Variants in GALNT9 observed in about 807,000 individuals in gnomAD.
GALNT9 encodes GalNAc transferase 9.
GALNT9 carries 47 observed loss-of-function variants against 63.1 expected under a neutral mutation model. The observed-to-expected ratio is 0.75, with a 90% CI of 0.59 to 0.95. The LOEUF (loss-of-function observed/expected upper bound fraction) is 0.95, where lower values mean the gene tolerates loss of function less well. Among genes scored for constraint, GALNT9 ranks in the 40% least tolerant of loss-of-function variants. The pLI is 0.00. For missense variants in GALNT9, 829 were observed against 874.8 expected (o/e 0.95, Z 0.66); for synonymous variants, 396 against 365.7 (o/e 1.08, Z -0.94).
chr12:132,308,526 G>C (rs1555244850), intron 1 of GALNT9, among the ~76,000 whole-genome samples: 2 of 152,204 alleles, frequency 1.3e-5, no homozygotes, highest in Non-Finnish European at 2.9e-5. Context: ...CTAAAGGCAG[G>C]GGGAGGCCTT....
intron 6 of GALNT9, among the ~76,000 whole-genome samples, chr12:132,211,934 G>A (rs1205058770): frequency 6.6e-6 from 1 of 152,238 alleles, no homozygotes; most frequent in Non-Finnish European, 1.5e-5. Flanking sequence ...CTCAGGAGGT[G>A]AAGGTCCCAT....
chr12:132,228,894 A>T (rs1009617116), intron 6 of GALNT9, among the ~76,000 whole-genome samples: 128 of 152,344 alleles, frequency 8.4e-4, no homozygotes, highest in African/African-American at 2.9e-3. Context: ...GAAGATGAGC[A>T]GCTGGCATTT....
intron 1 of GALNT9, among the ~76,000 whole-genome samples, chr12:132,293,836 G>A (rs549032894): frequency 6.6e-6 from 1 of 152,138 alleles, no homozygotes; most frequent in East Asian, 1.9e-4. Flanking sequence ...GAAGCCGGGG[G>A]ATCCCGTGTA....
At chr12:132,325,634 C>CACCTCGCTGG (rs1869005875) in intron 1 of GALNT9, among the ~76,000 whole-genome samples, 1 of 152,228 alleles carries the variant, frequency 6.6e-6, no homozygotes, top group Admixed American at 6.5e-5. Context: ...AAACCAGCGC[C>CACCTCGCTGG]ACCTCGCTGG....
chr12:132,263,574 C>T (rs1453075648), intron 2 of GALNT9, among the ~76,000 whole-genome samples: 14 of 152,166 alleles, frequency 9.2e-5, no homozygotes, highest in Admixed American at 8.5e-4. Flanking sequence ...CCCCCCTCAC[C>T]GTCCTCAAGC....
rs561752173 is a variant in GALNT9, at chr12:132,308,119, C to T, written c.238+20847G>A. Among the ~76,000 whole-genome samples the T allele has an allele frequency of 4.6e-5, 7 of 152,236 alleles. No homozygotes were observed. In the South Asian group the frequency reaches 6.2e-4, roughly 14 times the overall value. ...ACACAGACAGAAGAGGAAACAGCTG[C>T]GTGTGACGGAGGCAGAGGGTGCAGC... On this transcript the variant is annotated intron_variant, in intron 1 of 10. Coordinates refer to ENST00000328957, the MANE Select transcript of GALNT9 (RefSeq NM_001122636.2).
rs140861902 is a variant in GALNT9, at chr12:132,245,270, C to T, written c.1077+2640G>A. Among the ~76,000 whole-genome samples the T allele has an allele frequency of 2.7e-4, 41 of 152,152 alleles. No homozygotes were observed. In the East Asian group the frequency reaches 7.1e-3, roughly 27 times the overall value. On this transcript the variant is annotated intron_variant, in intron 6 of 10. Coordinates refer to ENST00000328957, the MANE Select transcript of GALNT9 (RefSeq NM_001122636.2). The surrounding 1 kb of genome is among the most constrained non-coding windows in gnomAD (Gnocchi z 6.3). ...TAGCCTGATCAACATGGTGAAACCT[C>T]GTCTCTACTAAAAGTACAAAAATTA...
chr12:132,212,034 G>C lies in GALNT9; in HGVS notation c.1078-8344C>G, dbSNP rs556062750. Among the ~76,000 whole-genome samples the C allele has an allele frequency of 2.6e-5, 4 of 152,364 alleles. No individual in the cohort carries two copies. The South Asian group carries it at 8.3e-4, about 32-fold the overall frequency. On this transcript the variant is annotated intron_variant, in intron 6 of 10. Transcript: ENST00000328957. ...GGACACTCCGCATGGCAGCGGACGT[G>C]CACGCAGGCAGGCCCCACCCAGCCA... is the stretch of plus-strand genomic sequence containing the variant.
In GALNT9 at chr12:132,247,897, G is replaced by A; in HGVS notation, c.1077+13C>T. 1.3e-6 allele frequency: 2 copies of A among 1,548,248 alleles called. No homozygotes were observed. Among genetic ancestry groups the A allele is most frequent in the Non-Finnish European group, 1.7e-6 (2 of 1,146,128 alleles). Reference sequence around the variant, plus strand: ...GCCCTCACCCTGTCCCTGGACACCGGGGCCGCACTCACCCTCATGCCCAGT... The same window carrying A: ...GCCCTCACCCTGTCCCTGGACACCGAGGCCGCACTCACCCTCATGCCCAGT... On this transcript the variant is annotated intron_variant, in intron 6 of 10. Transcript: ENST00000328957.
At chr12:132,294,365 G>A (rs1359143163) in intron 1 of GALNT9, among the ~76,000 whole-genome samples, 1 of 152,238 alleles carries the variant, frequency 6.6e-6, no homozygotes, top group African/African-American at 2.4e-5. Flanking sequence ...CCTGAGAACA[G>A]TGCTTCTCAA....
At chr12:132,289,295 G>A (rs1281095653) in intron 1 of GALNT9, among the ~76,000 whole-genome samples, 3 of 152,086 alleles carry the variant, frequency 2.0e-5, no homozygotes, top group African/African-American at 4.8e-5. Context: ...TCATCTCATC[G>A]GCTTGATCTT....
At chr12:132,199,371 C>G in intron 8 of GALNT9, 102 bp from the exon 9 acceptor site, 3 of 813,320 alleles carry the variant, frequency 3.7e-6, no homozygotes, top group African/African-American at 1.7e-5. Flanking sequence ...AGGAGGTGCC[C>G]GCGGGAGGAG....
At chr12:132,266,330 T>G (rs1269399173) in intron 2 of GALNT9, among the ~76,000 whole-genome samples, 1 of 152,264 alleles carries the variant, frequency 6.6e-6, no homozygotes, top group Non-Finnish European at 1.5e-5. Context: ...TGTGACAAAC[T>G]TCTTTGCCTA....
At chr12:132,260,086 G>T (rs1359251024) in intron 4 of GALNT9, among the ~76,000 whole-genome samples, 1 of 151,028 alleles carries the variant, frequency 6.6e-6, no homozygotes, top group Non-Finnish European at 1.5e-5. Flanking sequence ...GGTGCCCTCT[G>T]TGGGGCTGGC....
In GALNT9 at chr12:132,282,832, G is replaced by C. The variant is rs1258577130; in HGVS notation, c.419+3418C>G. 1 of 152,474 alleles carries C rather than the reference G, an allele frequency of 6.6e-6. No individual in the cohort carries two copies. The highest frequency in any genetic ancestry group is 2.4e-5 in the African/African-American group (1 of 41,446). 9.4% of individuals were successfully genotyped at this position (152,474 alleles called of 1,614,324 possible). A position where few individuals can be genotyped will look rare whatever the true frequency, so the allele number is the denominator to read the frequency against. On this transcript the variant is annotated intron_variant, in intron 2 of 10. Transcript: ENST00000328957. This position sits in a 1 kb window ranked among gnomAD's most constrained non-coding sequence, Gnocchi z 4.5. ...CTGGGCTGAAATGGATCAGAGCGGG[G>C]GGTGTGGACTTCCATCTGGAGCCGG...
chr12:132,196,879 A>G lies in GALNT9; in HGVS notation c.*228T>C. 1 of 1,373,996 alleles carries G rather than the reference A, an allele frequency of 7.3e-7. No homozygotes were observed. Among genetic ancestry groups the G allele is most frequent in the South Asian group, 1.7e-5 (1 of 60,280 alleles). The allele number at this position is 1,373,996 out of a possible 1,614,324, so 85.1% of individuals were successfully genotyped here. On this transcript the variant is annotated 3_prime_UTR_variant, in exon 11 of 11. Coordinates refer to ENST00000328957, the MANE Select transcript of GALNT9 (RefSeq NM_001122636.2). Reference sequence around the variant, plus strand: ...TGTTTGAGTTGGCATCACTGTCCCCAGACGCCCTCCCTCGGGTAGAGCCGC... The same window carrying G: ...TGTTTGAGTTGGCATCACTGTCCCCGGACGCCCTCCCTCGGGTAGAGCCGC...
In GALNT9 at chr12:132,236,776, A is replaced by G. The variant is rs1878019712; in HGVS notation, c.1077+11134T>C. 6.6e-6 allele frequency among the ~76,000 whole-genome samples: 1 copy of G among 152,000 alleles called. No homozygotes were observed. Among genetic ancestry groups the G allele is most frequent in the African/African-American group, 2.4e-5 (1 of 41,384 alleles). On this transcript the variant is annotated intron_variant, in intron 6 of 10. Transcript: ENST00000328957. This position sits in a 1 kb window ranked among gnomAD's most constrained non-coding sequence, Gnocchi z 5.6. ...GTGTCTAAGTCTTGCTGTGCCCCCA[A>G]TTTCAAGTCAGTGGTGATCCCTGTG...
chr12:132,252,404 G>A lies in GALNT9; in HGVS notation c.960-4377C>T, dbSNP rs1366749899. ...TGTTTCTGAGAAGGCAGAGAAGCAC[G>A]TGCCACGTTTTAGAAAGAGTTTGCA... On this transcript the variant is annotated intron_variant, in intron 5 of 10. Transcript: ENST00000328957. This position sits in a 1 kb window ranked among gnomAD's most constrained non-coding sequence, Gnocchi z 5.2. Among the ~76,000 whole-genome samples, 5 of 152,240 alleles carry A rather than the reference G, an allele frequency of 3.3e-5. No individual in the cohort carries two copies. Among genetic ancestry groups the A allele is most frequent in the African/African-American group, 9.6e-5 (4 of 41,460 alleles).
chr12:132,253,550 A>G (rs1317732159), intron 5 of GALNT9, among the ~76,000 whole-genome samples: 8 of 152,200 alleles, frequency 5.3e-5, no homozygotes, highest in African/African-American at 1.9e-4. Context: ...ACAAAGAGTA[A>G]TATTAAAAGC....
Sources: allele counts gnomAD v4.1 joint callset (sites outside exome capture counted in the v4.1 genomes callset), GRCh38; gene constraint gnomAD v4.1.1; non-coding constraint Gnocchi (gnomAD v3.1); transcripts MANE v1.5; gene names NCBI Gene and HGNC (gene_info 2026-07-23, HGNC 2026-07-21).